IFT43: variants seen among roughly 807,000 people sequenced by gnomAD.
The protein encoded by IFT43 is intraflagellar transport 43.
In IFT43, 33 loss-of-function variants were observed where a neutral mutation model predicts 32.3. That is an observed-to-expected ratio of 1.02 (90% CI 0.77 to 1.37). The LOEUF is 1.37. Ranked by LOEUF, IFT43 falls within the 40% of genes most tolerant of loss-of-function variation. The pLI is 0.00. For synonymous variants in IFT43, 93 were observed against 98.2 expected (o/e 0.95, Z 0.31); for missense variants, 274 against 265.9 (o/e 1.03, Z -0.21).
chr14:76,019,813 T>G (rs1171688293), intron 2 of IFT43, among the ~76,000 whole-genome samples: 1 of 152,120 alleles, frequency 6.6e-6, no homozygotes, highest in Non-Finnish European at 1.5e-5. Context: ...CTGAAATTCT[T>G]TTTCTCCTGC....
At chr14:75,994,093 A>G (rs2035695875) in intron 2 of IFT43, among the ~76,000 whole-genome samples, 1 of 151,662 alleles carries the variant, frequency 6.6e-6, no homozygotes, top group Admixed American at 6.5e-5. Flanking sequence ...AATAGAAATT[A>G]TAGAAAGCCC....
chr14:75,998,080 A>G (rs1407901296), intron 2 of IFT43, among the ~76,000 whole-genome samples: 3 of 152,190 alleles, frequency 2.0e-5, no homozygotes, highest in African/African-American at 7.2e-5. Context: ...CGGTCCCTTT[A>G]TTATATGCAC....
intron 2 of IFT43, among the ~76,000 whole-genome samples, chr14:75,998,686 G>A (rs1341116464): frequency 2.0e-5 from 3 of 152,268 alleles, no homozygotes; most frequent in African/African-American, 7.2e-5. Flanking sequence ...AGGTCCTATT[G>A]GATTTAGCAG....
At chr14:76,031,289 A>G (rs1047766553) in intron 3 of IFT43, among the ~76,000 whole-genome samples, 1 of 152,076 alleles carries the variant, frequency 6.6e-6, no homozygotes, top group Non-Finnish European at 1.5e-5. Flanking sequence ...CTAAATGGCT[A>G]TTGTCCCAGC....
At chr14:76,049,126 C>T (rs2036864061) in intron 3 of IFT43, among the ~76,000 whole-genome samples, 1 of 152,198 alleles carries the variant, frequency 6.6e-6, no homozygotes, top group African/African-American at 2.4e-5. Context: ...TAAAGGTTTC[C>T]AGAAGCACTG....
intron 3 of IFT43, among the ~76,000 whole-genome samples, chr14:76,047,575 CAG>C (rs1476990791): frequency 1.3e-5 from 2 of 152,050 alleles, no homozygotes; most frequent in Non-Finnish European, 2.9e-5. Flanking sequence ...AAAAGAGAAA[CAG>C]AACAAGGAGG....
chr14:75,994,127 T>C (rs1322130055), intron 2 of IFT43, among the ~76,000 whole-genome samples: 2 of 151,650 alleles, frequency 1.3e-5, no homozygotes, highest in Non-Finnish European at 2.9e-5. Flanking sequence ...TAGCCCTGGG[T>C]ATGAAGAGAA....
At chr14:76,076,718 G>A in intron 5 of IFT43, 1 of 1,613,520 alleles carries the variant, frequency 6.2e-7, no homozygotes, top group African/African-American at 1.3e-5. Flanking sequence ...CAGTCTACGG[G>A]AACTGAAAAG....
At chr14:76,038,482 T>C (rs1449750808) in intron 3 of IFT43, among the ~76,000 whole-genome samples, 1 of 152,200 alleles carries the variant, frequency 6.6e-6, no homozygotes, top group Admixed American at 6.5e-5. Context: ...ATTTGTTTAT[T>C]CTAGGTAGGC....
intron 3 of IFT43, among the ~76,000 whole-genome samples, chr14:76,027,185 A>C (rs2036414143): frequency 6.6e-6 from 1 of 152,200 alleles, no homozygotes; most frequent in Non-Finnish European, 1.5e-5. Flanking sequence ...CCCCTGTGAC[A>C]CAAGTTTACC....
At position 76,022,732 on chromosome 14, in the gene IFT43, A is replaced by G. The variant is rs147263780; in HGVS notation, c.215+338A>G. On this transcript the variant is annotated intron_variant, in intron 3 of 8. Transcript: ENST00000314067. ...CTGATTTGCATATTCTGGACATTTC[A>G]TGTAAATACAATCTACATTATGTGG... 172 of 188,942 alleles carry G rather than the reference A, an allele frequency of 9.1e-4. 1 individual carries two copies. The East Asian group carries it at 0.022, about 24-fold the overall frequency. 11.7% of individuals were successfully genotyped at this position (188,942 alleles called of 1,614,324 possible). A position where few individuals can be genotyped will look rare whatever the true frequency, so the allele number is the denominator to read the frequency against.
chr14:75,997,121 G>A (rs1328017776), intron 2 of IFT43, among the ~76,000 whole-genome samples: 2 of 152,208 alleles, frequency 1.3e-5, no homozygotes, highest in African/African-American at 4.8e-5. Context: ...TTAGCCAAGA[G>A]AAGAGGGGGA....
chr14:75,999,098 T>C (rs2035800950), intron 2 of IFT43, among the ~76,000 whole-genome samples: 1 of 126,052 alleles, frequency 7.9e-6, no homozygotes, highest in African/African-American at 3.0e-5. Context: ...CTACTATTTC[T>C]CTTTTTCCTG....
intron 5 of IFT43, among the ~76,000 whole-genome samples, chr14:76,061,143 C>G (rs1003583079): frequency 3.9e-5 from 6 of 152,130 alleles, no homozygotes; most frequent in Non-Finnish European, 7.4e-5. Flanking sequence ...CTCAAGTGAT[C>G]CACCCGCTGT....
At chr14:76,022,949 A>G (rs2036322150) in intron 3 of IFT43, among the ~76,000 whole-genome samples, 1 of 152,256 alleles carries the variant, frequency 6.6e-6, no homozygotes, top group South Asian at 2.1e-4. Context: ...CAGATGTCCC[A>G]TCACCCTGCC....
rs11844970 is a variant in IFT43 at position 75,994,546 on chromosome 14, C to T, written c.147+5569C>T. Among the ~76,000 whole-genome samples the T allele has an allele frequency of 5.4e-3, 819 of 152,224 alleles. 5 individuals are homozygous for T. The highest frequency in any genetic ancestry group is 0.019 in the African/African-American group (776 of 41,518). On this transcript the variant is annotated intron_variant, in intron 2 of 8. Coordinates refer to ENST00000314067, the MANE Select transcript of IFT43 (RefSeq NM_001102564.3). ...GGTAATGCATGTAAAGTACTTAGCA[C>T]GGTATCCGGCACACAGAAACCCAAG...
At chr14:75,988,131 A>G (rs1375188580) in intron 1 of IFT43, among the ~76,000 whole-genome samples, 2 of 152,186 alleles carry the variant, frequency 1.3e-5, no homozygotes, top group African/African-American at 4.8e-5. Context: ...TGGGTAGAAA[A>G]TAGAATTTTC....
intron 5 of IFT43, among the ~76,000 whole-genome samples, chr14:76,071,304 G>A (rs373081754): frequency 4.7e-4 from 71 of 152,292 alleles, no homozygotes; most frequent in African/African-American, 1.7e-3. Context: ...TGTGTTTACC[G>A]TGAGCCAGGC....
chr14:76,013,292 T>A (rs1228885011), intron 2 of IFT43, among the ~76,000 whole-genome samples: 2 of 152,226 alleles, frequency 1.3e-5, no homozygotes, highest in Non-Finnish European at 2.9e-5. Context: ...CTGGTCCAAA[T>A]GGAAAGATGT....
Sources: allele counts gnomAD v4.1 joint callset (sites outside exome capture counted in the v4.1 genomes callset), GRCh38; gene constraint gnomAD v4.1.1; transcripts MANE v1.5; gene names NCBI Gene and HGNC (gene_info 2026-07-23, HGNC 2026-07-21).